BSPH1: variants seen among roughly 807,000 people sequenced by gnomAD.
BSPH1 encodes the protein binder of sperm 1.
A neutral mutation model predicts 22.5 loss-of-function variants in BSPH1; 21 were observed. The observed-to-expected ratio is 0.93, with a 90% CI of 0.66 to 1.35. The LOEUF is 1.35. Ranked by LOEUF, BSPH1 falls within the 40% of genes most tolerant of loss-of-function variation. The probability of loss-of-function intolerance (pLI) is 0.00; values close to 1 mark genes in which losing one functional copy is unlikely to be tolerated. For missense variants in BSPH1, 141 were observed against 154.2 expected (o/e 0.91, Z 0.45); for synonymous variants, 42 against 53.6 (o/e 0.78, Z 0.95).
At chr19:47,971,155 T>G (rs145581311) in intron 5 of BSPH1, among the ~76,000 whole-genome samples, 11 of 152,266 alleles carry the variant, frequency 7.2e-5, no homozygotes, top group African/African-American at 2.6e-4. Context: ...CTTCCTACCT[T>G]TCCAGCGATT....
chr19:47,971,257 G>T (rs1264771438), intron 5 of BSPH1, among the ~76,000 whole-genome samples: 2 of 152,174 alleles, frequency 1.3e-5, no homozygotes, highest in African/African-American at 4.8e-5. Flanking sequence ...AGGCTGGAGT[G>T]CAGTGGCATG....
At chr19:47,984,961 G>A (rs1600091416) in intron 1 of BSPH1, among the ~76,000 whole-genome samples, 1 of 151,678 alleles carries the variant, frequency 6.6e-6, no homozygotes, top group South Asian at 2.1e-4. Flanking sequence ...CAGCTACTCA[G>A]GAGGCTGAGG....
chr19:47,982,084 C>T lies in BSPH1; in HGVS notation c.74-1143G>A, dbSNP rs113141776. On this transcript the variant is annotated intron_variant, in intron 1 of 5. Coordinates refer to ENST00000344839, the MANE Select transcript of BSPH1 (RefSeq NM_001128326.2). Reference sequence around the variant, plus strand: ...AAATTTGATTTTTTCCCAAATAGCCCGTAATAGATGATGCTTAATAACCAT... The same window carrying T: ...AAATTTGATTTTTTCCCAAATAGCCTGTAATAGATGATGCTTAATAACCAT... Among the ~76,000 whole-genome samples, 282 of 152,010 alleles carry T rather than the reference C, an allele frequency of 1.9e-3. 1 individual carries two copies. Among genetic ancestry groups the T allele is most frequent in the African/African-American group, 6.2e-3 (259 of 41,450 alleles).
chr19:47,990,695 C>T (rs1969515220), intron 1 of BSPH1, among the ~76,000 whole-genome samples: 1 of 151,958 alleles, frequency 6.6e-6, no homozygotes, highest in Non-Finnish European at 1.5e-5. Flanking sequence ...TTGGTCATTC[C>T]ATAAAAAATT....
chr19:47,981,000 G>T lies in BSPH1; in HGVS notation c.74-59C>A. On this transcript the variant is annotated intron_variant, in intron 1 of 5. Coordinates refer to ENST00000344839, the MANE Select transcript of BSPH1 (RefSeq NM_001128326.2). ...CACTTTAAAATAAAAGAGATGAAAG[G>T]ATTTCACCAATTTCTATTCTAGTAA... The T allele has an allele frequency of 7.4e-6, 7 of 943,852 alleles. No homozygotes were observed. In the South Asian group the frequency reaches 8.8e-5, roughly 12 times the overall value. 58.5% of individuals were successfully genotyped at this position (943,852 alleles called of 1,614,324 possible).
At chr19:47,983,948 T>G (rs962793117) in intron 1 of BSPH1, among the ~76,000 whole-genome samples, 27 of 151,672 alleles carry the variant, frequency 1.8e-4, no homozygotes, top group Non-Finnish European at 3.5e-4. Flanking sequence ...GGGAGTCTTC[T>G]GCCTCTGCCT....
Position 47,977,482 on chromosome 19 carries a change from G to C in BSPH1, c.147C>G (p.Phe49Leu), listed in dbSNP as rs1366106165. The change falls in exon 4 of 6, where the codon TTC becomes TTG. Residue 49 changes from phenylalanine to leucine, a missense_variant. By Grantham distance (22) the Phe-to-Leu change is conservative. Coordinates refer to ENST00000344839, the MANE Select transcript of BSPH1 (RefSeq NM_001128326.2). ...EVTDGECVFP[F>L]HYKNGTYYDC... is the part of the protein sequence containing the mutation. Reference sequence around the variant, plus strand: ...CATAATATGTTCCATTTTTATAGTGGAATGGAAAGACACACTCCCCATCTA... The same window carrying C: ...CATAATATGTTCCATTTTTATAGTGCAATGGAAAGACACACTCCCCATCTA... 6 of 1,551,310 alleles carry C rather than the reference G, an allele frequency of 3.9e-6. No individual in the cohort carries two copies. In the Admixed American group the frequency reaches 1.2e-4, roughly 30 times the overall value.
intron 5 of BSPH1, among the ~76,000 whole-genome samples, chr19:47,973,911 C>T (rs757130660): frequency 5.8e-4 from 89 of 152,150 alleles, no homozygotes; most frequent in Non-Finnish European, 1.1e-3. Context: ...TTTGCACATA[C>T]TCTATCCTTA....
intron 1 of BSPH1, among the ~76,000 whole-genome samples, chr19:47,989,025 G>T (rs1969497524): frequency 6.6e-6 from 1 of 151,858 alleles, no homozygotes; most frequent in Admixed American, 6.6e-5. Context: ...AGAGGTGGGG[G>T]TGCATATCAC....
intron 2 of BSPH1, 147 bp from the exon 3 acceptor site, chr19:47,979,746 C>G (rs1036358248): frequency 9.8e-6 from 4 of 409,710 alleles, no homozygotes; most frequent in Non-Finnish European, 1.8e-5. Flanking sequence ...AAGAACATGG[C>G]ATCTGCTCTT....
At chr19:47,967,613 A>G (rs1321148865), downstream of BSPH1, among the ~76,000 whole-genome samples, 3 of 151,848 alleles carry the variant, frequency 2.0e-5, no homozygotes, top group Non-Finnish European at 4.4e-5. Context: ...GTCTGTCCAA[A>G]TTTTCTCTTC....
intron 1 of BSPH1, among the ~76,000 whole-genome samples, chr19:47,987,831 A>T (rs979115587): frequency 1.3e-5 from 2 of 151,948 alleles, no homozygotes; most frequent in Non-Finnish European, 2.9e-5. Flanking sequence ...ATCTCTACCA[A>T]AATTACAAAA....
At chr19:47,985,891 T>C (rs1283218744) in intron 1 of BSPH1, among the ~76,000 whole-genome samples, 2 of 151,844 alleles carry the variant, frequency 1.3e-5, no homozygotes, top group East Asian at 3.9e-4. Context: ...GCATGTGAAA[T>C]GTGTTCAGGA....
chr19:47,970,658 T>C (rs998030616), intron 5 of BSPH1, among the ~76,000 whole-genome samples: 3 of 152,324 alleles, frequency 2.0e-5, no homozygotes, highest in Admixed American at 1.3e-4. Flanking sequence ...GCTGTGATTA[T>C]TTTGGTTATT....
chr19:47,976,620 G>T (rs1324447784), intron 5 of BSPH1, 90 bp downstream of exon 5: 63 of 662,196 alleles, frequency 9.5e-5, no homozygotes, highest in Non-Finnish European at 1.3e-4. Flanking sequence ...TCTCTAATGA[G>T]AAAGGGTTCT....
chr19:47,977,332 C>T (rs1202272696), intron 4 of BSPH1, 41 bp downstream of exon 4: 1 of 1,485,810 alleles, frequency 6.7e-7, no homozygotes. Flanking sequence ...CCTCAGAGAC[C>T]AAGATTACTG....
rs554428764 is a variant in BSPH1, at chr19:47,976,685, A to C, written c.*2+25T>G. ...CCAAGGAGAATGATTAAACGTCTTC[A>C]TCCCCCTCCCCTGGTAAATCTCACC... On this transcript the variant is annotated intron_variant, in intron 5 of 5. Coordinates refer to ENST00000344839, the MANE Select transcript of BSPH1 (RefSeq NM_001128326.2). 4.7e-4 allele frequency: 725 copies of C among 1,547,394 alleles called. 8 individuals carry two copies. The South Asian group carries it at 5.3e-3, about 11-fold the overall frequency.
intron 3 of BSPH1, among the ~76,000 whole-genome samples, chr19:47,978,556 T>C (rs866153151): frequency 6.6e-6 from 1 of 152,252 alleles, no homozygotes; most frequent in Non-Finnish European, 1.5e-5. Context: ...TTTGTTTCTA[T>C]AGAATCCCCA....
At chr19:47,975,725 G>A (rs1179109142) in intron 5 of BSPH1, among the ~76,000 whole-genome samples, 1 of 145,296 alleles carries the variant, frequency 6.9e-6, no homozygotes, top group Non-Finnish European at 1.5e-5. Flanking sequence ...GTGCGATCTC[G>A]GCTCACTGCA....
Sources: gnomAD v4.1 joint callset for allele counts (sites outside exome capture counted in the v4.1 genomes callset) on GRCh38, gnomAD v4.1.1 for gene constraint, MANE v1.5 for transcripts, NCBI Gene and HGNC (gene_info 2026-07-23, HGNC 2026-07-21) for gene names.